TNKS: variants seen among roughly 807,000 people sequenced by gnomAD.
TNKS encodes the protein tankyrase, also known as poly [ADP-ribose] polymerase tankyrase-1.
In TNKS, 72 loss-of-function variants were observed where a neutral mutation model predicts 135.8. That is an observed-to-expected ratio of 0.53 (90% CI 0.44 to 0.64). The LOEUF is 0.64. Ranked by LOEUF, TNKS falls within the 30% of genes least tolerant of loss-of-function variation. The probability of loss-of-function intolerance (pLI) is 0.00; values close to 1 mark genes in which losing one functional copy is unlikely to be tolerated. For synonymous variants in TNKS, 849 were observed against 649.3 expected (o/e 1.31, Z -4.68); for missense variants, 1,769 against 1,674.0 (o/e 1.06, Z -0.99).
intron 26 of TNKS, among the ~76,000 whole-genome samples, chr8:9,775,331 A>G (rs765356811): frequency 6.6e-6 from 1 of 151,696 alleles, no homozygotes; most frequent in Admixed American, 6.6e-5. Flanking sequence ...GAGACTTCAG[A>G]TTGGAAAGTC....
At chr8:9,746,206 G>A (rs1806226193) in intron 17 of TNKS, among the ~76,000 whole-genome samples, 1 of 152,180 alleles carries the variant, frequency 6.6e-6, no homozygotes, top group Admixed American at 6.5e-5. Context: ...TAGCATACTG[G>A]AGTTGAAATG....
chr8:9,597,446 A>ATTTGTGTT lies in TNKS; in HGVS notation c.898+17063_898+17064insTTTGTGTT, dbSNP rs1261906816. On this transcript the variant is annotated intron_variant, in intron 2 of 26. Transcript: ENST00000310430. Reference sequence around the variant, plus strand: ...GTTACCATCAGCGTGAATTTGTGTTACATTCTTTGTTTAGTATCCTTTGTA... The same window carrying ATTTGTGTT: ...GTTACCATCAGCGTGAATTTGTGTTATTTGTGTTCATTCTTTGTTTAGTATCCTTTGTA... Among the ~76,000 whole-genome samples, 779 of 152,318 alleles carry ATTTGTGTT rather than the reference A, an allele frequency of 5.1e-3. 6 individuals are homozygous for ATTTGTGTT. The highest frequency in any genetic ancestry group is 0.018 in the African/African-American group (742 of 41,562).
chr8:9,769,478 C>G (rs967517129), intron 25 of TNKS, among the ~76,000 whole-genome samples: 1 of 152,096 alleles, frequency 6.6e-6, no homozygotes, highest in African/African-American at 2.4e-5. Flanking sequence ...ATGAATAAAC[C>G]CAATCTTAAT....
chr8:9,557,972 T>G (rs191638869), intron 1 of TNKS: 7 of 152,322 alleles, frequency 4.6e-5, no homozygotes, highest in African/African-American at 1.4e-4. Context: ...ACTTTTCATT[T>G]TTGTGAGTAA....
At chr8:9,659,869 A>C (rs1051023217) in intron 3 of TNKS, among the ~76,000 whole-genome samples, 5 of 152,230 alleles carry the variant, frequency 3.3e-5, no homozygotes, top group African/African-American at 1.2e-4. Context: ...AAGAGAGACG[A>C]ATCAAATAGA....
At chr8:9,680,052 G>A in intron 4 of TNKS, 65 bp downstream of exon 4, 1 of 1,208,726 alleles carries the variant, frequency 8.3e-7, no homozygotes, top group East Asian at 2.3e-5. Flanking sequence ...GAGGGCAGGT[G>A]GAGGACTATA....
At chr8:9,774,951 G>T (rs1808137742) in intron 26 of TNKS, among the ~76,000 whole-genome samples, 1 of 152,152 alleles carries the variant, frequency 6.6e-6, no homozygotes. Flanking sequence ...GCATATGCCA[G>T]CCTGCGTTCT....
chr8:9,609,097 A>G (rs1191111805), intron 2 of TNKS, among the ~76,000 whole-genome samples: 2 of 151,936 alleles, frequency 1.3e-5, no homozygotes, highest in Non-Finnish European at 2.9e-5. Context: ...TCTTTTTTAG[A>G]TCTTTCAGCT....
chr8:9,602,038 A>G (rs1799036765), intron 2 of TNKS, among the ~76,000 whole-genome samples: 1 of 152,010 alleles, frequency 6.6e-6, no homozygotes, highest in Non-Finnish European at 1.5e-5. Context: ...TAGAGGGCAT[A>G]TTTAGCTATA....
intron 1 of TNKS, chr8:9,566,118 C>A (rs1343841838): frequency 6.6e-6 from 1 of 152,066 alleles, no homozygotes; most frequent in African/African-American, 2.4e-5. Flanking sequence ...TCTCCTCTTC[C>A]AAATGCTTGG....
chr8:9,647,986 A>G (rs1800980602), intron 3 of TNKS, among the ~76,000 whole-genome samples: 1 of 152,196 alleles, frequency 6.6e-6, no homozygotes, highest in Non-Finnish European at 1.5e-5. Context: ...AGTGGTAAGC[A>G]TTTGTTTATC....
At chr8:9,580,762 G>T (rs543113456) in intron 2 of TNKS, among the ~76,000 whole-genome samples, 2 of 152,026 alleles carry the variant, frequency 1.3e-5, no homozygotes, top group Non-Finnish European at 2.9e-5. Context: ...GTTGATTCAA[G>T]GAAACTCATC....
chr8:9,665,149 G>T (rs190406992), intron 3 of TNKS, among the ~76,000 whole-genome samples: 39 of 152,182 alleles, frequency 2.6e-4, no homozygotes, highest in African/African-American at 9.2e-4. Context: ...TTAAAATTCT[G>T]TTGACGTAAG....
chr8:9,601,719 A>T (rs898227143), intron 2 of TNKS, among the ~76,000 whole-genome samples: 1 of 152,176 alleles, frequency 6.6e-6, no homozygotes, highest in African/African-American at 2.4e-5. Context: ...GCTCTATTTG[A>T]TAAAGTCAGT....
At chr8:9,715,842 T>C (rs938484652) in intron 11 of TNKS, among the ~76,000 whole-genome samples, 1 of 152,188 alleles carries the variant, frequency 6.6e-6, no homozygotes, top group African/African-American at 2.4e-5. Flanking sequence ...TTGGGAGTAC[T>C]ATAAAGTCTA....
intron 1 of TNKS, among the ~76,000 whole-genome samples, chr8:9,563,073 T>C (rs1187887780): frequency 5.9e-5 from 9 of 152,132 alleles, no homozygotes; most frequent in Non-Finnish European, 1.2e-4. Flanking sequence ...TCCATTTCTT[T>C]AATACGATAT....
chr8:9,564,105 C>T (rs912703387), intron 1 of TNKS, among the ~76,000 whole-genome samples: 2 of 152,110 alleles, frequency 1.3e-5, no homozygotes, highest in Non-Finnish European at 2.9e-5. Flanking sequence ...ACCTATGAGA[C>T]ATTTTTTCAG....
In TNKS at chr8:9,731,004, C is replaced by A. The variant is rs531380646; in HGVS notation, c.2116C>A (p.His706Asn). The A allele has an allele frequency of 3.7e-6, 6 of 1,612,942 alleles. No individual in the cohort carries two copies. In the South Asian group the frequency reaches 6.6e-5, roughly 18 times the overall value. Residue 706 changes from histidine (H) to asparagine (N), a missense_variant, in exon 14 of 27, where the codon CAC (histidine) becomes AAC (asparagine). His to Asn is a moderately conservative substitution (Grantham distance 68). Transcript: ENST00000310430. The part of the protein sequence containing the change: ...RVSVVEYLLH[H>N]GADVHAKDKG... The stretch of plus-strand genomic sequence containing the variant: ...GTCTGTTGTAGAGTACCTGCTACAC[C>A]ACGGTGCCGATGTCCATGCCAAAGA...
At chr8:9,628,537 A>G (rs1339027224) in intron 3 of TNKS, among the ~76,000 whole-genome samples, 1 of 150,534 alleles carries the variant, frequency 6.6e-6, no homozygotes, top group Admixed American at 6.6e-5. Context: ...CTCTCATTTC[A>G]TCGATAGATC....
Sources: allele counts gnomAD v4.1 joint callset (sites outside exome capture counted in the v4.1 genomes callset), GRCh38; gene constraint gnomAD v4.1.1; transcripts MANE v1.5; gene names NCBI Gene and HGNC (gene_info 2026-07-23, HGNC 2026-07-21).